The following NIM1K variants were observed in gnomAD, a reference collection of about 807,000 sequenced individuals.
The protein encoded by NIM1K is NIM1 serine/threonine protein kinase.
Under a neutral mutation model 37.1 loss-of-function variants are expected in NIM1K, and 35 were observed. The ratio of observed to expected loss-of-function variants is 0.94; its 90% CI spans 0.72 to 1.25. The LOEUF is 1.25. NIM1K is among the 50% of genes most tolerant of loss of function. NIM1K has a pLI of 0.00. For synonymous variants in NIM1K, 234 were observed against 206.6 expected, an observed-to-expected ratio of 1.13 and a Z score of -1.14; for missense variants, 564 against 548.0, an observed-to-expected ratio of 1.03 and a Z score of -0.29.
At chr5:43,218,419 G>T (rs966654639) in intron 1 of NIM1K, among the ~76,000 whole-genome samples, 1 of 152,180 alleles carries the variant, frequency 6.6e-6, no homozygotes, top group Non-Finnish European at 1.5e-5. Context: ...TCACAATTCT[G>T]CCAGCTCTAC....
chr5:43,268,947 G>A (rs112967045), intron 2 of NIM1K, among the ~76,000 whole-genome samples: 152 of 151,558 alleles, frequency 1.0e-3, no homozygotes, highest in African/African-American at 3.4e-3. Context: ...GTTTTATAAT[G>A]ACCTTCTTTG....
chr5:43,271,497 T>C (rs1465339261), intron 2 of NIM1K, among the ~76,000 whole-genome samples: 1 of 152,232 alleles, frequency 6.6e-6, no homozygotes, highest in Non-Finnish European at 1.5e-5. Context: ...TAAATACGTA[T>C]ACATATATTA....
chr5:43,221,781 T>C (rs1228847170), intron 1 of NIM1K, among the ~76,000 whole-genome samples: 1 of 152,216 alleles, frequency 6.6e-6, no homozygotes, highest in African/African-American at 2.4e-5. Flanking sequence ...GGTTGATCTA[T>C]TTATGCATTT....
At chr5:43,222,184 G>A (rs947344595) in intron 1 of NIM1K, among the ~76,000 whole-genome samples, 1 of 152,158 alleles carries the variant, frequency 6.6e-6, no homozygotes, top group Non-Finnish European at 1.5e-5. Flanking sequence ...TTCCCCAGGG[G>A]ATTGTCAGCT....
In NIM1K at chr5:43,238,650, G is replaced by A. The variant is rs930143140; in HGVS notation, c.-694-6432G>A. ...TGAAACTTGGTTGGAAGCTCCCTGC[G>A]TGTGCATGAAACTGGCACTTGGAGG... On this transcript the variant is annotated intron_variant, in intron 1 of 3. Coordinates refer to ENST00000326035, the MANE Select transcript of NIM1K (RefSeq NM_153361.4). Among the ~76,000 whole-genome samples, 11 of 152,002 alleles carry A rather than the reference G, an allele frequency of 7.2e-5. No homozygotes were observed. The East Asian group carries it at 1.9e-3, about 27-fold the overall frequency.
intron 2 of NIM1K, among the ~76,000 whole-genome samples, chr5:43,264,906 G>A (rs947888095): frequency 6.6e-6 from 1 of 152,134 alleles, no homozygotes; most frequent in Admixed American, 6.5e-5. Flanking sequence ...ATGGAATTCT[G>A]GATGGAAAAT....
chr5:43,192,838 G>A (rs1043326318), intron 1 of NIM1K: 1 of 152,354 alleles, frequency 6.6e-6, no homozygotes, highest in African/African-American at 2.4e-5. Flanking sequence ...TGCGCACAGC[G>A]GGTGCGCTGG....
intron 1 of NIM1K, among the ~76,000 whole-genome samples, chr5:43,204,561 C>T (rs545152902): frequency 2.0e-5 from 3 of 151,414 alleles, no homozygotes; most frequent in South Asian, 2.1e-4. Flanking sequence ...AAAAATTAGG[C>T]GGGCATGGTG....
rs772039249 is a variant in NIM1K at position 43,198,185 on chromosome 5, T to TTC, written c.-695+5776_-695+5777dup. On this transcript the variant is annotated intron_variant, in intron 1 of 3. Transcript: ENST00000326035. ...TTTCTTTCTTTCTTTCTTTCTTTCT[T>TTC]TCTTTCTTTCTTTCTTTCTTTCTCT... 1.3e-3 allele frequency among the ~76,000 whole-genome samples: 77 copies of TTC among 57,552 alleles called. 1 individual carries two copies. Among genetic ancestry groups the TTC allele is most frequent in the Non-Finnish European group, 1.9e-3 (52 of 27,734 alleles). The allele number at this position is 57,552 out of a possible 152,430, so 37.8% of individuals were successfully genotyped here. A position where few individuals can be genotyped will look rare whatever the true frequency, so the allele number is the denominator to read the frequency against.
At chr5:43,251,327 G>A (rs1401029682) in intron 2 of NIM1K, among the ~76,000 whole-genome samples, 1 of 152,176 alleles carries the variant, frequency 6.6e-6, no homozygotes, top group East Asian at 1.9e-4. Flanking sequence ...GAGAATTAAA[G>A]GAGAGCTGAA....
chr5:43,257,362 CTTTTTTTTTT>C (rs36108441), intron 2 of NIM1K, among the ~76,000 whole-genome samples: 1 of 58,788 alleles, frequency 1.7e-5, no homozygotes, highest in African/African-American at 6.8e-5. Flanking sequence ...TAAAGTGACT[CTTTTTTTTTT>C]TTTTTTTTTT....
chr5:43,222,639 C>CT lies in NIM1K; in HGVS notation c.-694-22442dup, dbSNP rs1250026622. ...GTCCCAGCTACTTGGGAGGCTGAGA[C>CT]TGAAGGATCACTTTAGCCCAGGAGT... is the stretch of plus-strand genomic sequence containing the variant. On this transcript the variant is annotated intron_variant, in intron 1 of 3. Transcript: ENST00000326035. Among the ~76,000 whole-genome samples the CT allele has an allele frequency of 2.0e-5, 3 of 151,876 alleles. No individual in the cohort carries two copies. The East Asian group carries it at 5.8e-4, about 29-fold the overall frequency.
chr5:43,222,264 A>G (rs1373723944), intron 1 of NIM1K, among the ~76,000 whole-genome samples: 3 of 152,240 alleles, frequency 2.0e-5, no homozygotes, highest in Non-Finnish European at 4.4e-5. Flanking sequence ...GGTTTAGGAC[A>G]GAGCAGAGGA....
chr5:43,270,948 A>G (rs148757681), intron 2 of NIM1K, among the ~76,000 whole-genome samples: 5 of 152,258 alleles, frequency 3.3e-5, no homozygotes, highest in African/African-American at 1.2e-4. Context: ...CACTTCCTAA[A>G]TATCTCCTCC....
chr5:43,213,372 C>G (rs1426604082), intron 1 of NIM1K, among the ~76,000 whole-genome samples: 1 of 147,874 alleles, frequency 6.8e-6, no homozygotes. Flanking sequence ...CATTGTCACC[C>G]AGGCTGGAGC....
At chr5:43,224,674 T>A (rs1752427478) in intron 1 of NIM1K, among the ~76,000 whole-genome samples, 1 of 150,178 alleles carries the variant, frequency 6.7e-6, no homozygotes, top group East Asian at 2.0e-4. Flanking sequence ...AAATACATTC[T>A]GATTAACAGC....
intron 1 of NIM1K, among the ~76,000 whole-genome samples, chr5:43,224,314 C>G (rs1441549247): frequency 6.6e-6 from 1 of 151,918 alleles, no homozygotes; most frequent in Non-Finnish European, 1.5e-5. Flanking sequence ...AAGTACAGTT[C>G]ATTTGTACAA....
At chr5:43,198,228 T>TCTTC (rs1491151075) in intron 1 of NIM1K, among the ~76,000 whole-genome samples, 1 of 131,174 alleles carries the variant, frequency 7.6e-6, no homozygotes, top group African/African-American at 2.8e-5. Context: ...TTTCTTTCTT[T>TCTTC]CTTTCTTTCT....
intron 1 of NIM1K, chr5:43,231,713 C>T (rs1752542118): frequency 8.9e-6 from 6 of 670,760 alleles, no homozygotes; most frequent in Non-Finnish European, 1.5e-5. Flanking sequence ...TTAGAGCATA[C>T]ACTGCTACAT....
Sources: gnomAD v4.1 joint callset for allele counts (sites outside exome capture counted in the v4.1 genomes callset) on GRCh38, gnomAD v4.1.1 for gene constraint, MANE v1.5 for transcripts, NCBI Gene and HGNC (gene_info 2026-07-23, HGNC 2026-07-21) for gene names.